The following SLC5A4 variants were observed in gnomAD, a reference collection of about 807,000 sequenced individuals.
SLC5A4 encodes the protein probable glucose sensor protein SLC5A4.
SLC5A4 carries 55 observed loss-of-function variants against 70.3 expected under a neutral mutation model. That is an observed-to-expected ratio of 0.78 (90% CI 0.63 to 0.98). SLC5A4 has a LOEUF of 0.98. SLC5A4 is among the 50% of genes least tolerant of loss of function. The probability of loss-of-function intolerance (pLI) is 0.00; values close to 1 mark genes in which losing one functional copy is unlikely to be tolerated. For synonymous variants in SLC5A4, 268 were observed against 305.7 expected (o/e 0.88, Z 1.29); for missense variants, 735 against 839.2 (o/e 0.88, Z 1.53).
chr22:32,347,501 T>C, the SLC5A4 span, among the ~76,000 whole-genome samples: 1 of 152,008 alleles, frequency 6.6e-6, no homozygotes, highest in Non-Finnish European at 1.5e-5. Context: ...GTGACACATA[T>C]ACACCATGGA....
At chr22:32,270,647 A>G in the SLC5A4 span, 1 of 728,252 alleles carries the variant, frequency 1.4e-6, no homozygotes, top group Non-Finnish European at 2.6e-6. Context: ...ATCGGGGACA[A>G]CCACTACATT....
At chr22:32,270,914 C>T in the SLC5A4 span, 1 of 570,268 alleles carries the variant, frequency 1.8e-6, no homozygotes, top group Non-Finnish European at 3.3e-6. Context: ...GTACCGAGAC[C>T]TCAGTGGCAT....
the SLC5A4 span, among the ~76,000 whole-genome samples, chr22:32,331,704 G>C: frequency 6.6e-6 from 1 of 152,090 alleles, no homozygotes; most frequent in Admixed American, 6.5e-5. Context: ...TGGGGACGTG[G>C]GCATGGGAAG....
the SLC5A4 span, among the ~76,000 whole-genome samples, chr22:32,307,138 G>A: frequency 1.4e-5 from 2 of 144,448 alleles, no homozygotes; most frequent in South Asian, 2.3e-4. Context: ...TACCATTTAT[G>A]GTACAGTGTC....
chr22:32,301,423 A>G, the SLC5A4 span, among the ~76,000 whole-genome samples: 1 of 152,246 alleles, frequency 6.6e-6, no homozygotes, highest in Non-Finnish European at 1.5e-5. Context: ...ATGATGTTAA[A>G]TAGTTTCATG....
intron 4 of SLC5A4, among the ~76,000 whole-genome samples, chr22:32,247,918 C>T (rs547460564): frequency 3.9e-5 from 6 of 152,178 alleles, no homozygotes; most frequent in Non-Finnish European, 5.9e-5. Flanking sequence ...ATGGTGGCCT[C>T]GGGCACTCCG....
intron 3 of SLC5A4, among the ~76,000 whole-genome samples, chr22:32,250,146 A>T (rs2145699460): frequency 6.6e-6 from 1 of 152,276 alleles, no homozygotes; most frequent in South Asian, 2.1e-4. Flanking sequence ...TAACTGCTTG[A>T]GAAAAATCTT....
the SLC5A4 span, among the ~76,000 whole-genome samples, chr22:32,335,400 G>A: frequency 6.6e-6 from 1 of 152,312 alleles, no homozygotes; most frequent in East Asian, 1.9e-4. Flanking sequence ...TCAAATGAGG[G>A]GTAAGTGAAG....
At chr22:32,287,986 G>GT in the SLC5A4 span, among the ~76,000 whole-genome samples, 1 of 150,354 alleles carries the variant, frequency 6.7e-6, no homozygotes, top group African/African-American at 2.4e-5. Context: ...GCACTAGGCA[G>GT]TTCACTTGAA....
chr22:32,284,816 C>T, the SLC5A4 span: 1 of 152,142 alleles, frequency 6.6e-6, no homozygotes, highest in Admixed American at 6.5e-5. Flanking sequence ...CCACAATGAT[C>T]CAAGCCCTTG....
intron 11 of SLC5A4, among the ~76,000 whole-genome samples, chr22:32,226,354 C>T (rs1925396286): frequency 6.6e-6 from 1 of 152,210 alleles, no homozygotes; most frequent in Admixed American, 6.5e-5. Flanking sequence ...GTTAAAGGCT[C>T]CTGTTGTCCA....
At chr22:32,344,951 G>T in the SLC5A4 span, among the ~76,000 whole-genome samples, 2 of 152,136 alleles carry the variant, frequency 1.3e-5, no homozygotes, top group African/African-American at 4.8e-5. Flanking sequence ...GAAAATGTTT[G>T]TGTATACAGC....
At chr22:32,305,857 G>A in the SLC5A4 span, among the ~76,000 whole-genome samples, 21 of 144,504 alleles carry the variant, frequency 1.5e-4, no homozygotes, top group South Asian at 2.8e-3. Flanking sequence ...ACGTGCTTTC[G>A]GCTCTGTCTC....
the SLC5A4 span, chr22:32,272,201 G>C: frequency 1.3e-6 from 1 of 751,008 alleles, no homozygotes; most frequent in Non-Finnish European, 2.5e-6. Flanking sequence ...AGGAGGTCAT[G>C]TCCTGAGGGC....
the SLC5A4 span, among the ~76,000 whole-genome samples, chr22:32,312,312 C>T: frequency 1.3e-5 from 2 of 151,628 alleles, no homozygotes; most frequent in African/African-American, 2.4e-5. Context: ...GGGGGGAAGC[C>T]CCAATAAAAA....
upstream of SLC5A4, among the ~76,000 whole-genome samples, chr22:32,256,804 T>C (rs1927511480): frequency 6.6e-6 from 1 of 152,262 alleles, no homozygotes; most frequent in Non-Finnish European, 1.5e-5. Flanking sequence ...CACATTTTGT[T>C]TATCCATTCA....
chr22:32,239,905 T>C (rs768860441), intron 5 of SLC5A4, among the ~76,000 whole-genome samples: 5 of 148,384 alleles, frequency 3.4e-5, no homozygotes, highest in Non-Finnish European at 4.4e-5. Flanking sequence ...CCGTGTGTAG[T>C]CCCAGCTACT....
intron 7 of SLC5A4, among the ~76,000 whole-genome samples, chr22:32,236,254 T>A (rs551747496): frequency 6.6e-6 from 1 of 152,336 alleles, no homozygotes; most frequent in East Asian, 1.9e-4. Context: ...TATGCAAAGA[T>A]AAATACCATA....
the SLC5A4 span, among the ~76,000 whole-genome samples, chr22:32,344,155 G>A: frequency 6.6e-6 from 1 of 152,054 alleles, no homozygotes; most frequent in Non-Finnish European, 1.5e-5. Flanking sequence ...GACATCGCTG[G>A]GTTCAACGTG....
Sources: gnomAD v4.1 joint callset for allele counts (sites outside exome capture counted in the v4.1 genomes callset) on GRCh38, gnomAD v4.1.1 for gene constraint, MANE v1.5 for transcripts, NCBI Gene and HGNC (gene_info 2026-07-23, HGNC 2026-07-21) for gene names.